MRPL30: variants seen among roughly 807,000 people sequenced by gnomAD.
MRPL30 encodes large ribosomal subunit protein uL30m.
A neutral mutation model predicts 17.2 loss-of-function variants in MRPL30; 10 were observed. The observed-to-expected ratio is 0.58, with a 90% CI of 0.36 to 0.99. The LOEUF is 0.99. Among genes scored for constraint, MRPL30 ranks in the 50% least tolerant of loss-of-function variants. MRPL30 has a pLI of 0.01. For synonymous variants in MRPL30, 61 were observed against 62.1 expected, an observed-to-expected ratio of 0.98 and a Z score of 0.08; for missense variants, 170 against 189.8, an observed-to-expected ratio of 0.90 and a Z score of 0.61.
At chr2:99,190,919 A>C (rs901802958) in intron 3 of MRPL30, among the ~76,000 whole-genome samples, 3 of 152,212 alleles carry the variant, frequency 2.0e-5, no homozygotes, top group African/African-American at 2.4e-5. Context: ...TGGAACTTTA[A>C]ATAAAATAAA....
intron 3 of MRPL30, among the ~76,000 whole-genome samples, chr2:99,191,384 T>A (rs1015823192): frequency 2.0e-5 from 3 of 152,198 alleles, no homozygotes; most frequent in African/African-American, 7.2e-5. Context: ...GGATAACTTA[T>A]AGGTATTTCA....
chr2:99,195,239 T>G lies in MRPL30; in HGVS notation c.353+50T>G, dbSNP rs1353598582. On this transcript the variant is annotated intron_variant, in intron 5 of 5. Transcript: ENST00000338148. The stretch of plus-strand genomic sequence containing the variant: ...TTTAAAATGTATTGCCTAGTGTAAT[T>G]CTAAATGCATTTTTCTTTTTTCGTT... 10 of 1,476,016 alleles carry G rather than the reference T, an allele frequency of 6.8e-6. No individual in the cohort carries two copies. In the African/African-American group the frequency reaches 1.1e-4, roughly 17 times the overall value. 91.4% of individuals were successfully genotyped at this position (1,476,016 alleles called of 1,614,324 possible).
At chr2:99,184,223 A>G (rs1004713798) in intron 1 of MRPL30, among the ~76,000 whole-genome samples, 1 of 152,124 alleles carries the variant, frequency 6.6e-6, no homozygotes. Flanking sequence ...TTTTTCCAGT[A>G]GTTCCTTTCT....
rs140903171 is a variant in MRPL30, at chr2:99,186,008, A to G, written c.-27-169A>G. Among the ~76,000 whole-genome samples the G allele has an allele frequency of 3.0e-3, 458 of 152,352 alleles. 1 individual carries two copies. The highest frequency in any genetic ancestry group is 9.4e-3 in the African/African-American group (389 of 41,576). On this transcript the variant is annotated intron_variant, in intron 1 of 5. Coordinates refer to ENST00000338148, the MANE Select transcript of MRPL30 (RefSeq NM_145212.4). The stretch of plus-strand genomic sequence containing the variant: ...GTGTATAATTACTACCTGTGGTTGA[A>G]TAAAACATTTATAAATTAATTCGTG...
intron 1 of MRPL30, among the ~76,000 whole-genome samples, chr2:99,182,509 C>T (rs1012633756): frequency 6.6e-6 from 1 of 152,206 alleles, no homozygotes; most frequent in Non-Finnish European, 1.5e-5. Context: ...GAACCCAGAT[C>T]GTGCCACTGC....
At chr2:99,188,100 G>A in intron 2 of MRPL30, 77 bp from the exon 3 acceptor site, 1 of 1,087,550 alleles carries the variant, frequency 9.2e-7, no homozygotes, top group Non-Finnish European at 1.3e-6. Context: ...ACAGACTTCT[G>A]TTACCTAAAG....
At chr2:99,182,676 C>G (rs1037646532) in intron 1 of MRPL30, among the ~76,000 whole-genome samples, 39 of 152,306 alleles carry the variant, frequency 2.6e-4, no homozygotes, top group African/African-American at 9.4e-4. Context: ...AGAAACATAG[C>G]GAGACTCTGT....
intron 2 of MRPL30, 82 bp downstream of exon 2, chr2:99,186,336 T>C: frequency 1.1e-5 from 15 of 1,310,432 alleles, no homozygotes; most frequent in Non-Finnish European, 1.5e-5. Flanking sequence ...GCTAAGTTCT[T>C]TTTTTTATTT....
rs2093956989 is a variant in MRPL30, at chr2:99,197,590, T to A, written c.*1885T>A. Reference sequence around the variant, plus strand: ...TTGCTTATGTGGGGTCGAAGACATCTGTGAAAATAAAAGCAGCCTCTGCTA... The same window carrying A: ...TTGCTTATGTGGGGTCGAAGACATCAGTGAAAATAAAAGCAGCCTCTGCTA... On this transcript the variant is annotated 3_prime_UTR_variant, in exon 6 of 6. Coordinates refer to ENST00000338148, the MANE Select transcript of MRPL30 (RefSeq NM_145212.4). 1 of 152,192 alleles carries A rather than the reference T, an allele frequency of 6.6e-6. No individual in the cohort carries two copies. Among genetic ancestry groups the A allele is most frequent in the Non-Finnish European group, 1.5e-5 (1 of 68,050 alleles). 9.4% of individuals were successfully genotyped at this position (152,192 alleles called of 1,614,324 possible). A position where few individuals can be genotyped will look rare whatever the true frequency, so the allele number is the denominator to read the frequency against.
intron 1 of MRPL30, among the ~76,000 whole-genome samples, chr2:99,183,930 T>A (rs1326211550): frequency 6.6e-6 from 1 of 152,214 alleles, no homozygotes; most frequent in Non-Finnish European, 1.5e-5. Context: ...AGACTTTCCT[T>A]GTTTTTGATA....
intron 3 of MRPL30, among the ~76,000 whole-genome samples, chr2:99,192,965 A>G (rs958928324): frequency 2.0e-5 from 3 of 152,256 alleles, no homozygotes; most frequent in African/African-American, 7.2e-5. Context: ...ACAAAAGCCA[A>G]AATTGACAAA....
chr2:99,186,254 G>A lies in MRPL30; in HGVS notation c.51G>A (p.Gln17=), dbSNP rs759826016. The change falls in exon 2 of 6, where the codon CAG becomes CAA. Residue 17 remains glutamine (Q), a splice_region_variant and synonymous_variant. Coordinates refer to ENST00000338148, the MANE Select transcript of MRPL30 (RefSeq NM_145212.4). ...LVVQWPPGRL[Q]TVTKGVESLI... is the part of the protein sequence containing the mutation. ...TTCAATGGCCCCCAGGCAGACTACA[G>A]GTAAGTGTTTCTTTTCAAGAATTTG... 3 of 1,613,740 alleles carry A rather than the reference G, an allele frequency of 1.9e-6. No individual in the cohort carries two copies. The highest frequency in any genetic ancestry group is 1.1e-5 in the South Asian group (1 of 91,020).
chr2:99,186,227 A>C lies in MRPL30; in HGVS notation c.24A>C (p.Val8=). 1 of 1,614,126 alleles carries C rather than the reference A, an allele frequency of 6.2e-7. No individual in the cohort carries two copies. The highest frequency in any genetic ancestry group is 8.5e-7 in the Non-Finnish European group (1 of 1,179,994). The change falls in exon 2 of 6, where the codon GTA becomes GTC. Residue 8 remains valine (V), a synonymous_variant. Transcript: ENST00000338148. ...TTATGGCTGGGATTTTGCGCTTAGTAGTTCAATGGCCCCCAGGCAGACTAC... is the reference window on the plus strand; with the variant it reads ...TTATGGCTGGGATTTTGCGCTTAGTCGTTCAATGGCCCCCAGGCAGACTAC... MAGILRL[V]VQWPPGRLQT... is the part of the protein sequence containing the mutation.
At chr2:99,191,581 T>C (rs1201464461) in intron 3 of MRPL30, among the ~76,000 whole-genome samples, 1 of 152,194 alleles carries the variant, frequency 6.6e-6, no homozygotes, top group Non-Finnish European at 1.5e-5. Context: ...TCTATATTAC[T>C]GCCCAGAGTT....
intron 3 of MRPL30, among the ~76,000 whole-genome samples, chr2:99,190,680 T>C (rs780968602): frequency 1.3e-5 from 2 of 152,248 alleles, no homozygotes; most frequent in Non-Finnish European, 2.9e-5. Flanking sequence ...GAAGGATAGA[T>C]ACAAATGTTG....
At position 99,194,626 on chromosome 2, in the gene MRPL30, C is replaced by T. The variant is rs936898444; in HGVS notation, c.133-125C>T. Reference sequence around the variant, plus strand: ...ATGTTCAATCTGAGGTTGAGGATTACATGATGATTAAGGATGAGGTAATTA... The same window carrying T: ...ATGTTCAATCTGAGGTTGAGGATTATATGATGATTAAGGATGAGGTAATTA... On this transcript the variant is annotated intron_variant, in intron 3 of 5. Transcript: ENST00000338148. 5.1e-6 allele frequency: 4 copies of T among 789,702 alleles called. No homozygotes were observed. The South Asian group carries it at 7.9e-5, about 16-fold the overall frequency. 48.9% of individuals were successfully genotyped at this position (789,702 alleles called of 1,614,324 possible).
At chr2:99,188,797 T>C (rs1325741177) in intron 3 of MRPL30, among the ~76,000 whole-genome samples, 1 of 151,938 alleles carries the variant, frequency 6.6e-6, no homozygotes, top group Non-Finnish European at 1.5e-5. Context: ...GTCTCCCGGG[T>C]TCAAACAGTT....
chr2:99,192,479 T>C (rs1433375260), intron 3 of MRPL30, among the ~76,000 whole-genome samples: 1 of 152,192 alleles, frequency 6.6e-6, no homozygotes, highest in Admixed American at 6.5e-5. Flanking sequence ...AGTGAGAACA[T>C]GCGGTATTTG....
chr2:99,192,461 C>T (rs574669544), intron 3 of MRPL30, among the ~76,000 whole-genome samples: 1 of 152,294 alleles, frequency 6.6e-6, no homozygotes, highest in African/African-American at 2.4e-5. Flanking sequence ...GCTCAACTCC[C>T]ACTTATGAGT....
Sources: gnomAD v4.1 joint callset for allele counts (sites outside exome capture counted in the v4.1 genomes callset) on GRCh38, gnomAD v4.1.1 for gene constraint, MANE v1.5 for transcripts, NCBI Gene and HGNC (gene_info 2026-07-23, HGNC 2026-07-21) for gene names.